Variants in TCF20 observed in about 807,000 individuals in gnomAD.
TCF20 encodes the protein transcription factor 20.
In TCF20, 3 loss-of-function variants were observed where a neutral mutation model predicts 148.6. The ratio of observed to expected loss-of-function variants is 0.02; its 90% CI spans 0.01 to 0.05. The LOEUF (loss-of-function observed/expected upper bound fraction) is 0.05. TCF20 is among the 10% of genes least tolerant of loss of function. The pLI is 1.00. For synonymous variants in TCF20, 1,049 were observed against 909.5 expected, an observed-to-expected ratio of 1.15 and a Z score of -2.76; for missense variants, 2,350 against 2,429.3, an observed-to-expected ratio of 0.97 and a Z score of 0.69.
intron 1 of TCF20, among the ~76,000 whole-genome samples, chr22:42,294,235 C>A (rs2147028291): frequency 6.6e-6 from 1 of 152,318 alleles, no homozygotes; most frequent in South Asian, 2.1e-4. Flanking sequence ...ATTAATAGAG[C>A]ACAAACCCTG....
intron 5 of TCF20, 93 bp from the exon 6 acceptor site, chr22:42,161,451 G>C: frequency 1.9e-6 from 3 of 1,565,966 alleles, no homozygotes; most frequent in Non-Finnish European, 2.6e-6. Flanking sequence ...GGAGCTTTCA[G>C]CAGGGAGCCT....
intron 1 of TCF20, among the ~76,000 whole-genome samples, chr22:42,252,444 A>G (rs1297625546): frequency 6.6e-6 from 1 of 151,976 alleles, no homozygotes; most frequent in Non-Finnish European, 1.5e-5. Context: ...ACCTTTATCC[A>G]CACACAAGAC....
intron 1 of TCF20, among the ~76,000 whole-genome samples, chr22:42,253,913 C>T (rs1412979195): frequency 2.0e-5 from 3 of 151,956 alleles, no homozygotes; most frequent in Non-Finnish European, 4.4e-5. Flanking sequence ...CCTGTCTCTA[C>T]TAAAAATACA....
Position 42,292,083 on chromosome 22 carries a change from G to A in TCF20, c.-37+51396C>T, listed in dbSNP as rs115151389. ...ACACACCACCCCTCGTATGAGACCCGTGAGCACTAATGGGGCCTCACTCCC... is the reference window on the plus strand; with the variant it reads ...ACACACCACCCCTCGTATGAGACCCATGAGCACTAATGGGGCCTCACTCCC... On this transcript the variant is annotated intron_variant, in intron 1 of 1. Coordinates refer to the TCF20 transcript ENST00000515426. This position sits in a 1 kb window ranked among gnomAD's most constrained non-coding sequence, Gnocchi z 4.9. Among the ~76,000 whole-genome samples the A allele has an allele frequency of 0.012, 1,810 of 152,156 alleles. 42 individuals carry two copies. Among genetic ancestry groups the A allele is most frequent in the African/African-American group, 0.04 (1,657 of 41,472 alleles).
At chr22:42,229,193 A>G (rs1345589739) in intron 1 of TCF20, among the ~76,000 whole-genome samples, 1 of 152,210 alleles carries the variant, frequency 6.6e-6, no homozygotes, top group African/African-American at 2.4e-5. Flanking sequence ...TTGGACATCC[A>G]ACGTGCTGGT....
intron 1 of TCF20, among the ~76,000 whole-genome samples, chr22:42,289,176 C>T (rs1020554711): frequency 4.6e-5 from 7 of 152,180 alleles, no homozygotes; most frequent in Non-Finnish European, 1.0e-4. Flanking sequence ...CAAAACAGCC[C>T]CAGAACAGCA....
rs1405060100 is a variant in TCF20 at position 42,292,668 on chromosome 22, CCT to C, written c.-37+50809_-37+50810del. On this transcript the variant is annotated intron_variant, in intron 1 of 1. Transcript: ENST00000515426. This position sits in a 1 kb window ranked among gnomAD's most constrained non-coding sequence, Gnocchi z 4.9. ...AGCAGGAACTTGGAGGACAAGGAGG[CCT>C]GTTTGAGCTGCAAAGCAGCACACAC... Among the ~76,000 whole-genome samples, 2 of 152,024 alleles carry C rather than the reference CCT, an allele frequency of 1.3e-5. No individual in the cohort carries two copies. The highest frequency in any genetic ancestry group is 6.6e-5 in the Admixed American group (1 of 15,252).
At chr22:42,310,970 A>G (rs1444136539) in intron 1 of TCF20, among the ~76,000 whole-genome samples, 2 of 152,248 alleles carry the variant, frequency 1.3e-5, no homozygotes, top group Non-Finnish European at 2.9e-5. Flanking sequence ...CTTGGATGAC[A>G]CTGGCTCATC....
intron 5 of TCF20, among the ~76,000 whole-genome samples, chr22:42,163,959 C>T (rs143300139): frequency 1.2e-3 from 176 of 152,250 alleles, no homozygotes; most frequent in African/African-American, 4.0e-3. Context: ...GAACCCGGGA[C>T]GCCATCCTCG....
In TCF20 at chr22:42,212,452, G is replaced by A; in HGVS notation, c.2854C>T (p.His952Tyr). The change falls in exon 2 of 6, where the codon CAT becomes TAT. Residue 952 changes from histidine to tyrosine, a missense_variant. His to Tyr is a moderately conservative substitution (Grantham distance 83). Coordinates refer to ENST00000677622, the MANE Select transcript of TCF20 (RefSeq NM_001378418.1). ...GACTCATGCTTGATGCTAGGAGGAT[G>A]GCAGTGGTCTCCAGATTTCTTGTTG... is the stretch of plus-strand genomic sequence containing the variant. ...FNNKKSGDHC[H>Y]PPSIKHESYR... 2 of 1,614,210 alleles carry A rather than the reference G, an allele frequency of 1.2e-6. No individual in the cohort carries two copies. Among genetic ancestry groups the A allele is most frequent in the Non-Finnish European group, 1.7e-6 (2 of 1,180,048 alleles).
At chr22:42,342,424 C>G (rs764151196) in intron 1 of TCF20, among the ~76,000 whole-genome samples, 1 of 152,170 alleles carries the variant, frequency 6.6e-6, no homozygotes, top group Non-Finnish European at 1.5e-5. Context: ...AGCTTGTGAG[C>G]CGGGGAAGGC....
chr22:42,288,744 AAAGAC>A (rs1242557827), upstream of TCF20, among the ~76,000 whole-genome samples: 18 of 136,022 alleles, frequency 1.3e-4, no homozygotes, highest in African/African-American at 4.5e-4. Flanking sequence ...AAAAAAAAAA[AAAGAC>A]AGAGAGCAGA....
intron 1 of TCF20, among the ~76,000 whole-genome samples, chr22:42,328,055 T>A (rs1244698250): frequency 6.6e-6 from 1 of 152,120 alleles, no homozygotes; most frequent in Non-Finnish European, 1.5e-5. Context: ...GCTGCGACGT[T>A]ACTTTCACCT....
intron 3 of TCF20, among the ~76,000 whole-genome samples, chr22:42,176,571 A>G (rs1443610088): frequency 6.6e-6 from 1 of 152,180 alleles, no homozygotes; most frequent in African/African-American, 2.4e-5. Flanking sequence ...CTCCTGGGGA[A>G]GCACAGAGAG....
chr22:42,216,400 T>C (rs1921808759), intron 1 of TCF20, among the ~76,000 whole-genome samples: 1 of 152,178 alleles, frequency 6.6e-6, no homozygotes, highest in Non-Finnish European at 1.5e-5. Context: ...GCAGCTTTAC[T>C]ATAATTGCCA....
intron 1 of TCF20, among the ~76,000 whole-genome samples, chr22:42,264,267 G>A (rs1027153786): frequency 6.7e-6 from 1 of 150,238 alleles, no homozygotes; most frequent in African/African-American, 2.5e-5. Context: ...AAAGTGGGGC[G>A]GGGGCGGGGC....
intron 1 of TCF20, among the ~76,000 whole-genome samples, chr22:42,232,328 CA>C (rs1355997794): frequency 6.6e-6 from 1 of 151,674 alleles, no homozygotes; most frequent in Non-Finnish European, 1.5e-5. Flanking sequence ...GATGTTAGAA[CA>C]ACGACAAAAA....
intron 1 of TCF20, among the ~76,000 whole-genome samples, chr22:42,295,079 C>T (rs1015019872): frequency 8.5e-5 from 13 of 152,214 alleles, no homozygotes; most frequent in African/African-American, 3.1e-4. Context: ...GATGAACCCC[C>T]ACTGCCACTG....
intron 1 of TCF20, among the ~76,000 whole-genome samples, chr22:42,294,309 C>T (rs562246245): frequency 2.1e-4 from 32 of 152,232 alleles, no homozygotes; most frequent in Admixed American, 6.5e-4. Flanking sequence ...CCCCCTCTCC[C>T]GGAGGACAGA....
Sources: gnomAD v4.1 joint callset for allele counts (sites outside exome capture counted in the v4.1 genomes callset) on GRCh38, gnomAD v4.1.1 for gene constraint, Gnocchi (gnomAD v3.1) non-coding constraint, MANE v1.5 for transcripts, NCBI Gene and HGNC (gene_info 2026-07-23, HGNC 2026-07-21) for gene names.